The following ACTR10 variants were observed in gnomAD, a reference collection of about 807,000 sequenced individuals.
The protein encoded by ACTR10 is actin related protein 10, also known as actin-related protein 10.
In ACTR10, 43 loss-of-function variants were observed where a neutral mutation model predicts 56.2. That is an observed-to-expected ratio of 0.77 (90% CI 0.60 to 0.99). The LOEUF is 0.99. Among genes scored for constraint, ACTR10 ranks in the 50% least tolerant of loss-of-function variants. ACTR10 has a pLI of 0.00. For missense variants in ACTR10, 466 were observed against 507.8 expected, an observed-to-expected ratio of 0.92 and a Z score of 0.79; for synonymous variants, 170 against 176.3, an observed-to-expected ratio of 0.96 and a Z score of 0.28.
At chr14:58,231,151 CA>C in intron 11 of ACTR10, 1 of 266,838 alleles carries the variant, frequency 3.7e-6, no homozygotes, top group South Asian at 3.0e-5. Context: ...CCCCCGGGTT[CA>C]AGTGAGTATC....
intron 12 of ACTR10, 22 bp downstream of exon 12, chr14:58,232,289 T>A: frequency 1.3e-6 from 2 of 1,575,462 alleles, no homozygotes; most frequent in Non-Finnish European, 1.7e-6. Flanking sequence ...ACTTTTAAAA[T>A]ATAATGATTA....
chr14:58,211,797 T>C (rs1232465247), intron 5 of ACTR10, among the ~76,000 whole-genome samples: 1 of 151,922 alleles, frequency 6.6e-6, no homozygotes, highest in Admixed American at 6.6e-5. Context: ...TTCAAACAGC[T>C]GAAGAGCTCA....
At chr14:58,220,373 T>C (rs1264428522) in intron 8 of ACTR10, among the ~76,000 whole-genome samples, 2 of 152,222 alleles carry the variant, frequency 1.3e-5, no homozygotes, top group East Asian at 1.9e-4. Flanking sequence ...ATGTTATTTG[T>C]CCAGTGTCAC....
chr14:58,221,698 G>A (rs1209286520), intron 8 of ACTR10, among the ~76,000 whole-genome samples: 1 of 152,226 alleles, frequency 6.6e-6, no homozygotes, highest in African/African-American at 2.4e-5. Context: ...CCAAGATCAC[G>A]CCATTGGACT....
intron 8 of ACTR10, among the ~76,000 whole-genome samples, chr14:58,221,436 T>C (rs2140056706): frequency 6.6e-6 from 1 of 151,646 alleles, no homozygotes; most frequent in South Asian, 2.1e-4. Context: ...CTACAAAAAA[T>C]ACAAAAATTA....
At chr14:58,202,533 G>A (rs563428323) in intron 1 of ACTR10, among the ~76,000 whole-genome samples, 4 of 151,458 alleles carry the variant, frequency 2.6e-5, no homozygotes, top group South Asian at 4.2e-4. Context: ...GCAGTGAGCC[G>A]AGATCGCGCC....
Position 58,226,428 on chromosome 14 carries a change from T to TAA in ACTR10, c.788+2589_788+2590dup, listed in dbSNP as rs34541151. On this transcript the variant is annotated intron_variant, in intron 10 of 12. Coordinates refer to ENST00000254286, the MANE Select transcript of ACTR10 (RefSeq NM_018477.3). Reference sequence around the variant, plus strand: ...CTGGGCTCCCCATCTCTATTTTCTTTAAAAAAAAAAAAAAAAAAGGAAATT... The same window carrying TAA: ...CTGGGCTCCCCATCTCTATTTTCTTTAAAAAAAAAAAAAAAAAAAAGGAAATT... Among the ~76,000 whole-genome samples the TAA allele has an allele frequency of 9.1e-5, 12 of 132,294 alleles. No individual in the cohort carries two copies. In the East Asian group the frequency reaches 1.1e-3, roughly 12 times the overall value. 86.8% of individuals were successfully genotyped at this position (132,294 alleles called of 152,430 possible). A position where few individuals can be genotyped will look rare whatever the true frequency, so the allele number is the denominator to read the frequency against.
At chr14:58,213,234 A>G (rs1416696173) in intron 5 of ACTR10, 1 of 156,336 alleles carries the variant, frequency 6.4e-6, no homozygotes, top group African/African-American at 2.4e-5. Flanking sequence ...TATTCCATCA[A>G]TACAAAAATT....
At chr14:58,222,764 G>GAA (rs58412717) in intron 8 of ACTR10, among the ~76,000 whole-genome samples, 29 of 76,294 alleles carry the variant, frequency 3.8e-4, no homozygotes, top group South Asian at 9.9e-4. Context: ...GACTCTGTCA[G>GAA]AAAAAAAAAA....
At chr14:58,228,700 T>C in intron 10 of ACTR10, among the ~76,000 whole-genome samples, 1 of 101,966 alleles carries the variant, frequency 9.8e-6, no homozygotes, top group African/African-American at 4.6e-5. Flanking sequence ...TTTTTTTTTT[T>C]TTTTTTTTTT....
At chr14:58,231,147 G>C (rs1477410845) in intron 11 of ACTR10, 1 of 269,484 alleles carries the variant, frequency 3.7e-6, no homozygotes, top group South Asian at 2.9e-5. Context: ...TCCGCCCCCG[G>C]GTTCAAGTGA....
chr14:58,202,364 G>A (rs1166130821), intron 1 of ACTR10, among the ~76,000 whole-genome samples: 3 of 151,542 alleles, frequency 2.0e-5, no homozygotes, highest in Admixed American at 2.0e-4. Context: ...GGCGGGTCAC[G>A]AGGTCAGGAG....
At chr14:58,222,586 G>A (rs1412065877) in intron 8 of ACTR10, among the ~76,000 whole-genome samples, 4 of 151,994 alleles carry the variant, frequency 2.6e-5, no homozygotes, top group Admixed American at 6.6e-5. Flanking sequence ...CCAATATGGC[G>A]AAACCCTGTC....
At chr14:58,226,670 G>C (rs939891625) in intron 10 of ACTR10, among the ~76,000 whole-genome samples, 3 of 151,698 alleles carry the variant, frequency 2.0e-5, no homozygotes, top group Admixed American at 1.3e-4. Flanking sequence ...ATGTGGTCTC[G>C]GCTCACCACA....
intron 2 of ACTR10, among the ~76,000 whole-genome samples, chr14:58,204,989 G>C (rs1374036926): frequency 2.6e-5 from 4 of 152,116 alleles, no homozygotes; most frequent in African/African-American, 9.7e-5. Context: ...GGGAGGCTGA[G>C]GCAGGTGGAT....
At position 58,234,440 on chromosome 14, in the gene ACTR10, G is replaced by A. The variant is rs35651695; in HGVS notation, c.1143G>A (p.Thr381=). The change falls in exon 13 of 13, where the codon ACG becomes ACA. Residue 381 remains threonine (T), a synonymous_variant. Transcript: ENST00000254286. ...RSVSKEYYNQ[T]GRIPDWCSLN... ...TTTCAAAGGAATATTATAATCAGAC[G>A]GGCCGTATACCTGATTGGTGTTCTC... The A allele has an allele frequency of 3.1e-6, 5 of 1,612,744 alleles. No homozygotes were observed. In the African/African-American group the frequency reaches 6.7e-5, roughly 22 times the overall value.
intron 11 of ACTR10, among the ~76,000 whole-genome samples, chr14:58,230,764 CTT>C (rs67511419): frequency 9.4e-4 from 134 of 143,084 alleles, no homozygotes; most frequent in Non-Finnish European, 1.0e-3. Flanking sequence ...TGGACATGTG[CTT>C]TTTTTTTTTT....
In ACTR10 at chr14:58,231,304, G is replaced by A. The variant is rs572467079; in HGVS notation, c.871-762G>A. Among the ~76,000 whole-genome samples, 6 of 152,134 alleles carry A rather than the reference G, an allele frequency of 3.9e-5. No homozygotes were observed. The South Asian group carries it at 6.2e-4, about 16-fold the overall frequency. ...CGACCTCAGGTAATCCACCTGTCTC[G>A]GCCTCCCAAAGGGCTGTACAGGCGT... On this transcript the variant is annotated intron_variant, in intron 11 of 12. Coordinates refer to ENST00000254286, the MANE Select transcript of ACTR10 (RefSeq NM_018477.3).
chr14:58,223,805 T>C lies in ACTR10; in HGVS notation c.737T>C (p.Val246Ala), dbSNP rs1261575048. ...NNERPSPPPN[V>A]DYPLDGEKIL... Reference sequence around the variant, plus strand: ...CAGCGTCCCTCCCCACCCCCAAATGTTGACTATCCATTAGATGGAGAGAAG... The same window carrying C: ...CAGCGTCCCTCCCCACCCCCAAATGCTGACTATCCATTAGATGGAGAGAAG... The change falls in exon 10 of 13, where the codon GTT becomes GCT. Residue 246 changes from valine to alanine, a missense_variant. Coordinates refer to ENST00000254286, the MANE Select transcript of ACTR10 (RefSeq NM_018477.3). The C allele has an allele frequency of 6.2e-7, 1 of 1,613,450 alleles. No individual in the cohort carries two copies. The highest frequency in any genetic ancestry group is 8.5e-7 in the Non-Finnish European group (1 of 1,179,462).
Sources: gnomAD v4.1 joint callset for allele counts (sites outside exome capture counted in the v4.1 genomes callset) on GRCh38, gnomAD v4.1.1 for gene constraint, MANE v1.5 for transcripts, NCBI Gene and HGNC (gene_info 2026-07-23, HGNC 2026-07-21) for gene names.